Variants in DPP6 observed in about 807,000 individuals in gnomAD.
DPP6 encodes the protein A-type potassium channel modulatory protein DPP6.
DPP6 carries 69 observed loss-of-function variants against 122.6 expected under a neutral mutation model. The ratio of observed to expected loss-of-function variants is 0.56; its 90% CI spans 0.46 to 0.69. The LOEUF is 0.69. Ranked by LOEUF, DPP6 falls within the 30% of genes least tolerant of loss-of-function variation. The pLI is 0.00. For missense variants in DPP6, 928 were observed against 1,116.9 expected (o/e 0.83, Z 2.41); for synonymous variants, 418 against 433.1 (o/e 0.97, Z 0.43).
intron 3 of DPP6, among the ~76,000 whole-genome samples, chr7:154,514,110 C>T (rs1826302379): frequency 6.6e-6 from 1 of 152,046 alleles, no homozygotes; most frequent in African/African-American, 2.4e-5. Context: ...CCTGTCTCTA[C>T]TAAAATTCCA....
the DPP6 span, among the ~76,000 whole-genome samples, chr7:153,757,463 G>C: frequency 1.3e-5 from 2 of 152,178 alleles, no homozygotes. Context: ...ATCCAGTGGC[G>C]GATGGTTTAC....
chr7:154,736,158 A>C (rs1306528358), intron 8 of DPP6, among the ~76,000 whole-genome samples: 2 of 152,230 alleles, frequency 1.3e-5, no homozygotes, highest in Non-Finnish European at 2.9e-5. Context: ...TGTTCATCTG[A>C]GTTTTCTTGA....
intron 1 of DPP6, among the ~76,000 whole-genome samples, chr7:154,353,358 T>C (rs1811028902): frequency 6.6e-6 from 1 of 152,172 alleles, no homozygotes; most frequent in Admixed American, 6.5e-5. Flanking sequence ...TACATGAGCA[T>C]GCAAGCAGAC....
In DPP6 at chr7:154,481,587, C is replaced by A. The variant is rs970380904; in HGVS notation, c.457+6550C>A. 6.6e-5 allele frequency among the ~76,000 whole-genome samples: 10 copies of A among 151,770 alleles called. No individual in the cohort carries two copies. Among genetic ancestry groups the A allele is most frequent in the African/African-American group, 1.9e-4 (8 of 41,294 alleles). On this transcript the variant is annotated intron_variant, in intron 3 of 25. Coordinates refer to ENST00000377770, the MANE Select transcript of DPP6 (RefSeq NM_130797.4). This position sits in a 1 kb window ranked among gnomAD's most constrained non-coding sequence, Gnocchi z 4.2. ...GTTTACTCTCCTGACTCATCATTGG[C>A]CATCTCCCCAGTTTTCTCTTAAACT...
intron 5 of DPP6, among the ~76,000 whole-genome samples, chr7:154,603,656 CAAAAAAAAAAAA>C (rs779501891): frequency 4.0e-5 from 1 of 24,988 alleles, no homozygotes; most frequent in Non-Finnish European, 7.8e-5. Flanking sequence ...AACTCTGTCT[CAAAAAAAAAAAA>C]AAAAAAAAAA....
At chr7:154,543,482 T>C (rs919843883) in intron 4 of DPP6, among the ~76,000 whole-genome samples, 5 of 152,198 alleles carry the variant, frequency 3.3e-5, no homozygotes, top group African/African-American at 1.2e-4. Context: ...TGCAAATCAC[T>C]GCAAACATTT....
At chr7:154,400,185 G>A (rs1408592089) in intron 1 of DPP6, among the ~76,000 whole-genome samples, 2 of 152,194 alleles carry the variant, frequency 1.3e-5, no homozygotes, top group Admixed American at 1.3e-4. Context: ...GAGAAGCCAA[G>A]GCCTGAGGGC....
chr7:153,864,235 G>A, the DPP6 span, among the ~76,000 whole-genome samples: 195 of 152,238 alleles, frequency 1.3e-3, 3 homozygotes, highest in African/African-American at 4.1e-3. Flanking sequence ...CACATCCTTT[G>A]CATCACTTGT....
rs540299352 is a variant in DPP6 at position 154,878,723 on chromosome 7, CG to C, written c.2079-2162del. Reference sequence around the variant, plus strand: ...CTCGTCCCACCCCTGTGGAAGGCAGCGGGCAGCTGTGTAAACCCGACTAGGG... The same window carrying C: ...CTCGTCCCACCCCTGTGGAAGGCAGCGGCAGCTGTGTAAACCCGACTAGGG... On this transcript the variant is annotated intron_variant, in intron 20 of 25. Coordinates refer to ENST00000377770, the MANE Select transcript of DPP6 (RefSeq NM_130797.4). Among the ~76,000 whole-genome samples, 274 of 152,272 alleles carry C rather than the reference CG, an allele frequency of 1.8e-3. 1 individual carries two copies. Among genetic ancestry groups the C allele is most frequent in the African/African-American group, 6.4e-3 (264 of 41,532 alleles).
At chr7:154,348,980 C>T (rs373989500) in intron 1 of DPP6, among the ~76,000 whole-genome samples, 21 of 152,216 alleles carry the variant, frequency 1.4e-4, no homozygotes, top group African/African-American at 4.8e-4. Flanking sequence ...TCTGTTGTTT[C>T]GATGAAGCAT....
rs562933213 is a variant in DPP6, at chr7:154,382,091, A to G, written c.244-64123A>G. Reference sequence around the variant, plus strand: ...TTTTTTCCTTTTTTTTTTTTTTTCAATGATCTCTGCAGAAGCAGCAGCATG... The same window carrying G: ...TTTTTTCCTTTTTTTTTTTTTTTCAGTGATCTCTGCAGAAGCAGCAGCATG... On this transcript the variant is annotated intron_variant, in intron 1 of 25. Transcript: ENST00000377770. 1.4e-4 allele frequency among the ~76,000 whole-genome samples: 18 copies of G among 129,398 alleles called. No individual in the cohort carries two copies. In the East Asian group the frequency reaches 2.8e-3, roughly 20 times the overall value. 84.9% of individuals were successfully genotyped at this position (129,398 alleles called of 152,430 possible).
intron 1 of DPP6, among the ~76,000 whole-genome samples, chr7:154,061,336 A>C (rs1397299436): frequency 1.6e-4 from 24 of 147,952 alleles, no homozygotes; most frequent in African/African-American, 5.7e-4. Flanking sequence ...GATCTGACAA[A>C]GCCTTTTCCA....
At chr7:154,484,483 C>T (rs968914416) in intron 3 of DPP6, among the ~76,000 whole-genome samples, 7 of 152,226 alleles carry the variant, frequency 4.6e-5, no homozygotes, top group East Asian at 1.9e-4. Context: ...CCTCTCCTCC[C>T]GTCTCCTCCC....
At chr7:154,099,547 G>C (rs1201022308) in intron 1 of DPP6, among the ~76,000 whole-genome samples, 2 of 151,816 alleles carry the variant, frequency 1.3e-5, no homozygotes, top group East Asian at 2.0e-4. Flanking sequence ...TGCCCAAATA[G>C]CTAAATGAAG....
chr7:154,732,754 G>A (rs770781733), intron 8 of DPP6, among the ~76,000 whole-genome samples: 9 of 152,176 alleles, frequency 5.9e-5, no homozygotes, highest in Non-Finnish European at 7.3e-5. Flanking sequence ...AAAAGTACTT[G>A]AAAAATGTGA....
chr7:154,390,274 G>T (rs1814502135), intron 1 of DPP6, among the ~76,000 whole-genome samples: 1 of 152,186 alleles, frequency 6.6e-6, no homozygotes, highest in Non-Finnish European at 1.5e-5. Flanking sequence ...TGGGGATCAG[G>T]GAGGGCTCTC....
intron 1 of DPP6, among the ~76,000 whole-genome samples, chr7:154,157,557 C>A (rs1310691318): frequency 6.6e-6 from 1 of 152,294 alleles, no homozygotes; most frequent in Non-Finnish European, 1.5e-5. Context: ...GGCCTTGCTC[C>A]CCAGTTGCTA....
At chr7:154,044,645 T>C (rs1234326520) in intron 1 of DPP6, among the ~76,000 whole-genome samples, 1 of 152,182 alleles carries the variant, frequency 6.6e-6, no homozygotes, top group African/African-American at 2.4e-5. Flanking sequence ...ATATTTCCAT[T>C]TGTACATGGA....
intron 1 of DPP6, among the ~76,000 whole-genome samples, chr7:154,082,754 C>T (rs576072993): frequency 3.9e-4 from 59 of 152,080 alleles, no homozygotes; most frequent in African/African-American, 1.4e-3. Context: ...CTAGAACTCC[C>T]TTAATGAAAG....
Sources: gnomAD v4.1 joint callset for allele counts (sites outside exome capture counted in the v4.1 genomes callset) on GRCh38, gnomAD v4.1.1 for gene constraint, Gnocchi (gnomAD v3.1) non-coding constraint, MANE v1.5 for transcripts, NCBI Gene and HGNC (gene_info 2026-07-23, HGNC 2026-07-21) for gene names.